The following ERLEC1 variants were observed in gnomAD, a reference collection of about 807,000 sequenced individuals.
ERLEC1 encodes the protein ER lectin.
Under a neutral mutation model 68.0 loss-of-function variants are expected in ERLEC1, and 47 were observed. That is an observed-to-expected ratio of 0.69 (90% CI 0.55 to 0.88). The LOEUF is 0.88. ERLEC1 is among the 40% of genes least tolerant of loss of function. The pLI is 0.00. For missense variants in ERLEC1, 567 were observed against 583.8 expected (o/e 0.97, Z 0.30); for synonymous variants, 225 against 203.2 (o/e 1.11, Z -0.91).
intron 1 of ERLEC1, chr2:53,787,601 CT>C: frequency 4.8e-6 from 2 of 420,822 alleles, no homozygotes. Context: ...TGCTCTCCAC[CT>C]TTTCAATTCT....
intron 1 of ERLEC1, among the ~76,000 whole-genome samples, chr2:53,790,874 A>G (rs1675356024): frequency 1.3e-5 from 2 of 152,094 alleles, no homozygotes; most frequent in South Asian, 4.1e-4. Context: ...TTGTGTTAAT[A>G]TTTTCCTTCT....
At chr2:53,800,258 G>A (rs375691308) in intron 6 of ERLEC1, among the ~76,000 whole-genome samples, 47 of 152,128 alleles carry the variant, frequency 3.1e-4, no homozygotes, top group African/African-American at 9.6e-4. Context: ...AGTCATTTCT[G>A]CTACCGCAAT....
At chr2:53,791,501 T>TA (rs1488700717) in intron 1 of ERLEC1, among the ~76,000 whole-genome samples, 1 of 152,214 alleles carries the variant, frequency 6.6e-6, no homozygotes, top group Non-Finnish European at 1.5e-5. Flanking sequence ...AGAAAAATTA[T>TA]AAAAGATAAA....
intron 8 of ERLEC1, among the ~76,000 whole-genome samples, chr2:53,806,234 A>G (rs1301972040): frequency 1.3e-5 from 2 of 152,186 alleles, no homozygotes; most frequent in South Asian, 2.1e-4. Flanking sequence ...TTTCTACTCT[A>G]CTATATAAAC....
intron 8 of ERLEC1, among the ~76,000 whole-genome samples, chr2:53,804,989 CTTTTTT>C (rs746963770): frequency 1.0e-5 from 1 of 98,218 alleles, no homozygotes; most frequent in Non-Finnish European, 2.1e-5. Context: ...GACAGGATCT[CTTTTTT>C]TTTTTTTTTT....
chr2:53,814,435 T>A (rs887626527), intron 11 of ERLEC1, 108 bp from the exon 12 acceptor site: 14 of 611,792 alleles, frequency 2.3e-5, no homozygotes, highest in African/African-American at 2.2e-4. Flanking sequence ...GGTTTTTTTT[T>A]AACTAATGCA....
intron 3 of ERLEC1, among the ~76,000 whole-genome samples, chr2:53,796,998 T>G (rs544038431): frequency 6.6e-6 from 1 of 151,798 alleles, no homozygotes; most frequent in Admixed American, 6.6e-5. Flanking sequence ...TTCAAGCGCT[T>G]CTTCTGCCTC....
At chr2:53,811,634 A>C (rs1676595900) in intron 10 of ERLEC1, among the ~76,000 whole-genome samples, 1 of 148,294 alleles carries the variant, frequency 6.7e-6, no homozygotes, top group African/African-American at 2.6e-5. Flanking sequence ...TAACAACCTT[A>C]AGAAGTGGTT....
intron 8 of ERLEC1, among the ~76,000 whole-genome samples, chr2:53,803,867 G>A (rs1372025164): frequency 4.6e-5 from 7 of 152,310 alleles, no homozygotes; most frequent in South Asian, 4.1e-4. Flanking sequence ...CATGGCCCAC[G>A]CCTATAATTC....
rs1247248002 is a variant in ERLEC1 at position 53,801,804 on chromosome 2, G to C, written c.841G>C (p.Glu281Gln). ...CACCCTGAGGCAGCTGGAGCAGCAG[G>C]AAGAAATACTAAGGGTGCCTTTTAG... is the stretch of plus-strand genomic sequence containing the variant. ...PLTLRQLEQQ[E>Q]EILRVPFRRN... The change falls in exon 8 of 14, where the codon GAA (glutamate) becomes CAA (glutamine). Residue 281 changes from glutamate (E) to glutamine (Q), a missense_variant. Physicochemically the swap from Glu to Gln is conservative, Grantham distance 29. Coordinates refer to ENST00000185150, the MANE Select transcript of ERLEC1 (RefSeq NM_015701.5). 1 of 1,613,860 alleles carries C rather than the reference G, an allele frequency of 6.2e-7. No individual in the cohort carries two copies. The highest frequency in any genetic ancestry group is 8.5e-7 in the Non-Finnish European group (1 of 1,179,824).
intron 1 of ERLEC1, among the ~76,000 whole-genome samples, chr2:53,788,015 G>A (rs1002836713): frequency 2.0e-5 from 3 of 152,158 alleles, no homozygotes; most frequent in African/African-American, 7.2e-5. Flanking sequence ...GAGTTTTCCT[G>A]TAGTGAAGAA....
Position 53,787,268 on chromosome 2 carries a change from G to T in ERLEC1, c.58G>T (p.Val20Phe). 1 of 1,608,430 alleles carries T rather than the reference G, an allele frequency of 6.2e-7. No individual in the cohort carries two copies. The highest frequency in any genetic ancestry group is 8.5e-7 in the Non-Finnish European group (1 of 1,179,928). Reference sequence around the variant, plus strand: ...GGTCCCGGGCGGGCCGGTGTTACTGGTCCTCTGCGGCCTCCTGGAGGCGTC... The same window carrying T: ...GGTCCCGGGCGGGCCGGTGTTACTGTTCCTCTGCGGCCTCCTGGAGGCGTC... The part of the protein sequence containing the change: ...SLVPGGPVLL[V>F]LCGLLEASGG... Residue 20 changes from valine to phenylalanine, a missense_variant, in exon 1 of 14, where the codon GTC becomes TTC. Transcript: ENST00000185150.
At chr2:53,797,449 A>C in intron 3 of ERLEC1, 66 bp from the exon 4 acceptor site, 1 of 1,203,588 alleles carries the variant, frequency 8.3e-7, no homozygotes. Flanking sequence ...GCTGCTTCAA[A>C]TATCAGAAAG....
At chr2:53,809,733 A>T (rs939271051) in intron 10 of ERLEC1, among the ~76,000 whole-genome samples, 3 of 152,132 alleles carry the variant, frequency 2.0e-5, no homozygotes, top group African/African-American at 7.2e-5. Flanking sequence ...AGCCAGGGTA[A>T]CAGAGTGAGA....
chr2:53,790,608 A>G (rs1675341036), intron 1 of ERLEC1, among the ~76,000 whole-genome samples: 1 of 152,222 alleles, frequency 6.6e-6, no homozygotes, highest in African/African-American at 2.4e-5. Context: ...TTGCTTAGAA[A>G]AAGTATTAAG....
At chr2:53,790,894 CCT>C (rs1573061709) in intron 1 of ERLEC1, among the ~76,000 whole-genome samples, 2 of 152,214 alleles carry the variant, frequency 1.3e-5, no homozygotes, top group African/African-American at 4.8e-5. Flanking sequence ...TGAAGTATCA[CCT>C]CTGTCGTTAT....
At chr2:53,801,956 C>A in intron 8 of ERLEC1, 114 bp downstream of exon 8, 1 of 808,002 alleles carries the variant, frequency 1.2e-6, no homozygotes, top group Non-Finnish European at 2.0e-6. Context: ...TTTTACTGGC[C>A]CAACCTTTTG....
chr2:53,798,330 C>CA (rs1675827999), intron 5 of ERLEC1, among the ~76,000 whole-genome samples: 1 of 151,840 alleles, frequency 6.6e-6, no homozygotes, highest in South Asian at 2.1e-4. Context: ...GGCACAACCA[C>CA]AGCTCATTGC....
intron 1 of ERLEC1, among the ~76,000 whole-genome samples, chr2:53,788,868 G>T (rs766431679): frequency 9.9e-5 from 15 of 152,022 alleles, no homozygotes; most frequent in Non-Finnish European, 1.9e-4. Context: ...GAGCACACTT[G>T]GAGTGAATAT....
Sources: gnomAD v4.1 joint callset for allele counts (sites outside exome capture counted in the v4.1 genomes callset) on GRCh38, gnomAD v4.1.1 for gene constraint, MANE v1.5 for transcripts, NCBI Gene and HGNC (gene_info 2026-07-23, HGNC 2026-07-21) for gene names.